Variants in CDK14 observed in about 807,000 individuals in gnomAD.
CDK14 encodes the protein cyclin dependent kinase 14.
Under a neutral mutation model 60.7 loss-of-function variants are expected in CDK14, and 34 were observed. That is an observed-to-expected ratio of 0.56 (90% CI 0.43 to 0.75). The LOEUF (loss-of-function observed/expected upper bound fraction) is 0.75. Ranked by LOEUF, CDK14 falls within the 30% of genes least tolerant of loss-of-function variation. CDK14 has a pLI of 0.00. For synonymous variants in CDK14, 197 were observed against 203.7 expected, an observed-to-expected ratio of 0.97 and a Z score of 0.28; for missense variants, 482 against 564.1, an observed-to-expected ratio of 0.85 and a Z score of 1.47.
intron 4 of CDK14, among the ~76,000 whole-genome samples, chr7:90,761,120 A>G (rs989129095): frequency 3.3e-5 from 5 of 152,232 alleles, no homozygotes; most frequent in African/African-American, 1.2e-4. Flanking sequence ...AAGCAAGAAG[A>G]TGATTTTAAT....
intron 11 of CDK14, among the ~76,000 whole-genome samples, chr7:91,078,242 G>T (rs756316666): frequency 6.6e-6 from 1 of 152,152 alleles, no homozygotes; most frequent in Non-Finnish European, 1.5e-5. Flanking sequence ...ACTACTTAAA[G>T]GTTCATCAAT....
intron 6 of CDK14, among the ~76,000 whole-genome samples, chr7:90,896,616 T>C (rs537472149): frequency 6.6e-6 from 1 of 152,298 alleles, no homozygotes; most frequent in South Asian, 2.1e-4. Context: ...CTTCTTCAGA[T>C]GGTCCTTAAG....
chr7:90,731,104 T>C (rs1055148944), intron 3 of CDK14, among the ~76,000 whole-genome samples: 3 of 151,630 alleles, frequency 2.0e-5, no homozygotes, highest in Non-Finnish European at 4.4e-5. Flanking sequence ...ATTTATTAAA[T>C]AGGGAACCCT....
At chr7:90,839,634 C>T (rs1466596757) in intron 5 of CDK14, among the ~76,000 whole-genome samples, 1 of 152,100 alleles carries the variant, frequency 6.6e-6, no homozygotes, top group African/African-American at 2.4e-5. Flanking sequence ...ATGTAAGAAA[C>T]AAATAATTTT....
chr7:90,651,410 C>G (rs1272896728), intron 2 of CDK14, among the ~76,000 whole-genome samples: 2 of 152,094 alleles, frequency 1.3e-5, no homozygotes, highest in Non-Finnish European at 2.9e-5. Context: ...GCTGGTAACT[C>G]CACATCTCCC....
chr7:90,718,002 A>C (rs760323900), intron 2 of CDK14, among the ~76,000 whole-genome samples: 5 of 152,110 alleles, frequency 3.3e-5, no homozygotes, highest in Non-Finnish European at 7.4e-5. Flanking sequence ...AAGAATATAT[A>C]ATAACATATA....
chr7:90,900,397 A>G (rs1264382571), intron 7 of CDK14, among the ~76,000 whole-genome samples: 1 of 152,172 alleles, frequency 6.6e-6, no homozygotes, highest in African/African-American at 2.4e-5. Flanking sequence ...GTAACCATTA[A>G]CATATAGTTT....
chr7:91,058,004 C>A lies in CDK14; in HGVS notation c.1105+12044C>A, dbSNP rs1242650133. Among the ~76,000 whole-genome samples the A allele has an allele frequency of 9.3e-5, 14 of 150,616 alleles. No homozygotes were observed. The East Asian group carries it at 2.6e-3, about 27-fold the overall frequency. ...CTATAAATTACCTTGGGCAGTATGG[C>A]CATTTTCACGATATTGATTCTTCCT... On this transcript the variant is annotated intron_variant, in intron 11 of 14. Transcript: ENST00000380050.
chr7:91,147,008 T>C (rs1800657953), intron 14 of CDK14, among the ~76,000 whole-genome samples: 1 of 152,108 alleles, frequency 6.6e-6, no homozygotes, highest in African/African-American at 2.4e-5. Context: ...CTCACACAAA[T>C]TGGGTGGGTG....
intron 2 of CDK14, among the ~76,000 whole-genome samples, chr7:90,682,025 C>A (rs1801327792): frequency 6.6e-6 from 1 of 152,156 alleles, no homozygotes; most frequent in South Asian, 2.1e-4. Context: ...CTAGTGGTAT[C>A]CACTGCATTA....
chr7:90,757,208 C>CTGTGTG (rs1804100459), intron 4 of CDK14, among the ~76,000 whole-genome samples: 5 of 86,304 alleles, frequency 5.8e-5, no homozygotes, highest in Non-Finnish European at 7.4e-5. Flanking sequence ...GGCATTCTTC[C>CTGTGTG]AGTGTGTGTG....
At chr7:91,103,096 T>C (rs963215281) in intron 12 of CDK14, among the ~76,000 whole-genome samples, 7 of 152,040 alleles carry the variant, frequency 4.6e-5, no homozygotes, top group Middle Eastern at 3.4e-3. Context: ...CTACTAAAAA[T>C]GTAAGAATTA....
intron 2 of CDK14, among the ~76,000 whole-genome samples, chr7:90,716,683 TA>T (rs1367866759): frequency 6.6e-6 from 1 of 152,118 alleles, no homozygotes; most frequent in Non-Finnish European, 1.5e-5. Flanking sequence ...TATATTGAGT[TA>T]TCTGATAACT....
intron 4 of CDK14, among the ~76,000 whole-genome samples, chr7:90,779,578 CT>C (rs2116924995): frequency 6.6e-6 from 1 of 152,222 alleles, no homozygotes; most frequent in East Asian, 1.9e-4. Flanking sequence ...ATATTGTATT[CT>C]TTAAAAAAGA....
intron 4 of CDK14, among the ~76,000 whole-genome samples, chr7:90,777,963 C>G (rs973763319): frequency 5.3e-5 from 8 of 152,174 alleles, no homozygotes; most frequent in Admixed American, 3.9e-4. Flanking sequence ...TCCATGTGTT[C>G]TAGATATAGA....
At chr7:91,135,718 A>T (rs1657187056) in intron 14 of CDK14, among the ~76,000 whole-genome samples, 1 of 152,148 alleles carries the variant, frequency 6.6e-6, no homozygotes, top group Admixed American at 6.6e-5. Context: ...GGTTGTTTGC[A>T]CACTATTGTC....
intron 14 of CDK14, among the ~76,000 whole-genome samples, chr7:91,123,989 C>T (rs571989921): frequency 1.6e-4 from 25 of 152,092 alleles, no homozygotes; most frequent in African/African-American, 5.1e-4. Context: ...TGTGTTCAAG[C>T]GATCCTCCCA....
At chr7:90,809,114 A>G (rs976910954) in intron 5 of CDK14, among the ~76,000 whole-genome samples, 2 of 152,212 alleles carry the variant, frequency 1.3e-5, no homozygotes, top group Non-Finnish European at 2.9e-5. Context: ...CTCTACACCA[A>G]GTGGACCTAA....
chr7:91,080,532 T>A (rs1798456882), intron 12 of CDK14, among the ~76,000 whole-genome samples: 1 of 152,186 alleles, frequency 6.6e-6, no homozygotes, highest in Admixed American at 6.5e-5. Context: ...ACCTCAAGGC[T>A]CCCCTGGGAA....
Sources: gnomAD v4.1 joint callset for allele counts (sites outside exome capture counted in the v4.1 genomes callset) on GRCh38, gnomAD v4.1.1 for gene constraint, MANE v1.5 for transcripts, NCBI Gene and HGNC (gene_info 2026-07-23, HGNC 2026-07-21) for gene names.